SEMA4D: variants seen among roughly 807,000 people sequenced by gnomAD.
SEMA4D encodes semaphorin 4D.
A neutral mutation model predicts 74.8 loss-of-function variants in SEMA4D; 22 were observed. The observed-to-expected ratio is 0.29, with a 90% CI of 0.21 to 0.42. SEMA4D has a LOEUF of 0.42. Among genes scored for constraint, SEMA4D ranks in the 10% least tolerant of loss-of-function variants. The pLI is 1.00. For missense variants in SEMA4D, 937 were observed against 1,118.4 expected (o/e 0.84, Z 2.31); for synonymous variants, 445 against 463.7 (o/e 0.96, Z 0.52).
At chr9:89,443,234 G>A (rs942061819) in intron 2 of SEMA4D, among the ~76,000 whole-genome samples, 8 of 152,190 alleles carry the variant, frequency 5.3e-5, no homozygotes, top group Non-Finnish European at 1.0e-4. Context: ...GACAGAGGCC[G>A]GGTCGCGAGG....
At chr9:89,370,378 G>A (rs548566857) in intron 16 of SEMA4D, among the ~76,000 whole-genome samples, 5 of 149,558 alleles carry the variant, frequency 3.3e-5, no homozygotes, top group Non-Finnish European at 7.4e-5. Flanking sequence ...CGTATGTGGT[G>A]TATCTGATAT....
intron 2 of SEMA4D, among the ~76,000 whole-genome samples, chr9:89,409,354 G>T (rs971273088): frequency 6.6e-6 from 1 of 152,096 alleles, no homozygotes; most frequent in Non-Finnish European, 1.5e-5. Context: ...GCATTTGTCC[G>T]AGCCTACAGA....
intron 2 of SEMA4D, chr9:89,450,265 A>G: frequency 9.9e-7 from 1 of 1,014,222 alleles, no homozygotes; most frequent in Non-Finnish European, 1.6e-6. Context: ...GGAAAGGGCA[A>G]GACCAAGGAT....
chr9:89,399,647 A>G (rs1186507996), intron 4 of SEMA4D, among the ~76,000 whole-genome samples: 1 of 152,206 alleles, frequency 6.6e-6, no homozygotes, highest in African/African-American at 2.4e-5. Flanking sequence ...TATTTTTCAA[A>G]AACCTAAACC....
chr9:89,399,257 G>A lies in SEMA4D; in HGVS notation c.315+19C>T. ...AAATACTTGAATGGGATTCTTTGTA[G>A]CTTGCAAAAGAAATTTACCTGTTTT... On this transcript the variant is annotated intron_variant, in intron 5 of 15. Transcript: ENST00000422704. The A allele has an allele frequency of 6.2e-7, 1 of 1,605,040 alleles. No homozygotes were observed.
rs145223687 is a variant in SEMA4D, at chr9:89,451,512, C to G, written c.-244+4376G>C. 8.9e-3 allele frequency among the ~76,000 whole-genome samples: 1,350 copies of G among 152,306 alleles called. 20 individuals are homozygous for G. The highest frequency in any genetic ancestry group is 0.03 in the African/African-American group (1,257 of 41,560). On this transcript the variant is annotated intron_variant, in intron 2 of 15. Coordinates refer to ENST00000422704, the MANE Select transcript of SEMA4D (RefSeq NM_001371194.2). ...CTGGAAGCTCAACTGGATTTGTTCCCTGTTTGAAATATTGTGATCTCCCTC... is the reference window on the plus strand; with the variant it reads ...CTGGAAGCTCAACTGGATTTGTTCCGTGTTTGAAATATTGTGATCTCCCTC...
At chr9:89,429,396 AC>A (rs1848774367) in intron 2 of SEMA4D, among the ~76,000 whole-genome samples, 1 of 152,160 alleles carries the variant, frequency 6.6e-6, no homozygotes, top group African/African-American at 2.4e-5. Flanking sequence ...ACCCAGCAAC[AC>A]TGTCACCATC....
chr9:89,409,254 G>A (rs533103555), intron 2 of SEMA4D, among the ~76,000 whole-genome samples: 1 of 152,352 alleles, frequency 6.6e-6, no homozygotes, highest in South Asian at 2.1e-4. Flanking sequence ...AAAAAGATCA[G>A]TGGTTCCCAG....
chr9:89,379,584 C>A lies in SEMA4D; in HGVS notation c.1709G>T (p.Gly570Val), dbSNP rs1461488410. 1.9e-6 allele frequency: 3 copies of A among 1,612,558 alleles called. No homozygotes were observed. Among genetic ancestry groups the A allele is most frequent in the Non-Finnish European group, 2.5e-6 (3 of 1,178,996 alleles). ...TTGGGAGCATTTCAGTTCCGCTGTGCCACCGTGCTTGAAAAAATGCTGCCG... is the reference window on the plus strand; with the variant it reads ...TTGGGAGCATTTCAGTTCCGCTGTGACACCGTGCTTGAAAAAATGCTGCCG... ...SYRQHFFKHGGTAELKCSQKS... is the reference protein window; with the variant it reads ...SYRQHFFKHGVTAELKCSQKS... The change falls in exon 16 of 16, where the codon GGC becomes GTC. Residue 570 changes from glycine (G) to valine (V), a missense_variant. By Grantham distance (109) the Gly-to-Val change is moderately radical. Coordinates refer to ENST00000422704, the MANE Select transcript of SEMA4D (RefSeq NM_001371194.2).
chr9:89,402,389 T>C (rs1055555801), intron 4 of SEMA4D, among the ~76,000 whole-genome samples: 12 of 152,102 alleles, frequency 7.9e-5, no homozygotes, highest in Admixed American at 2.6e-4. Context: ...TTGAACCAAC[T>C]AAACAAGCAT....
At chr9:89,361,325 A>G (rs1388255971) in exon 19 of SEMA4D, 2 of 152,150 alleles carry the variant, frequency 1.3e-5, no homozygotes, top group African/African-American at 2.4e-5. Context: ...CTCCAGAAAG[A>G]GGGGATGCAA....
intron 2 of SEMA4D, among the ~76,000 whole-genome samples, chr9:89,413,171 T>C (rs1363839306): frequency 2.6e-5 from 4 of 152,156 alleles, no homozygotes; most frequent in African/African-American, 9.7e-5. Flanking sequence ...AGGAGCCCAT[T>C]AGAAAGACAG....
chr9:89,470,476 T>C (rs1171756521), intron 1 of SEMA4D, among the ~76,000 whole-genome samples: 1 of 152,174 alleles, frequency 6.6e-6, no homozygotes, highest in African/African-American at 2.4e-5. Flanking sequence ...AACTTAACAA[T>C]ACCAGGTGCT....
chr9:89,445,911 G>A (rs913550223), intron 2 of SEMA4D, among the ~76,000 whole-genome samples: 2 of 152,110 alleles, frequency 1.3e-5, no homozygotes, highest in African/African-American at 4.8e-5. Flanking sequence ...TGCAGGCTCA[G>A]CTGGAGGTGC....
At chr9:89,387,104 C>A in intron 12 of SEMA4D, 1 of 371,958 alleles carries the variant, frequency 2.7e-6, no homozygotes, top group Non-Finnish European at 4.9e-6. Flanking sequence ...GCCCCAACTC[C>A]TCGGCGGCCA....
chr9:89,413,212 C>T (rs529630069), intron 2 of SEMA4D, among the ~76,000 whole-genome samples: 4 of 152,172 alleles, frequency 2.6e-5, no homozygotes, highest in Non-Finnish European at 4.4e-5. Context: ...ATTACTTACA[C>T]GTAATTGGGG....
chr9:89,370,682 GTGTC>G (rs1407681456), intron 16 of SEMA4D, among the ~76,000 whole-genome samples: 10 of 150,660 alleles, frequency 6.6e-5, no homozygotes, highest in South Asian at 2.1e-4. Flanking sequence ...TGTGGTGTGT[GTGTC>G]TGGTGTGTGG....
At chr9:89,431,150 C>A (rs1849190639) in intron 2 of SEMA4D, among the ~76,000 whole-genome samples, 4 of 152,228 alleles carry the variant, frequency 2.6e-5, no homozygotes, top group Non-Finnish European at 4.4e-5. Context: ...CACTTAAGTG[C>A]AAGCTTACTC....
intron 5 of SEMA4D, among the ~76,000 whole-genome samples, chr9:89,397,049 G>A (rs1007182224): frequency 6.6e-6 from 1 of 152,118 alleles, no homozygotes; most frequent in Non-Finnish European, 1.5e-5. Context: ...GCCTGTTCTC[G>A]TACAGTGGAA....
Sources: gnomAD v4.1 joint callset for allele counts (sites outside exome capture counted in the v4.1 genomes callset) on GRCh38, gnomAD v4.1.1 for gene constraint, MANE v1.5 for transcripts, NCBI Gene and HGNC (gene_info 2026-07-23, HGNC 2026-07-21) for gene names.